KCNMA1: variants seen among roughly 807,000 people sequenced by gnomAD.
KCNMA1 encodes Calcium-activated potassium channel subunit alpha-1.
Under a neutral mutation model 140.0 loss-of-function variants are expected in KCNMA1, and 29 were observed. That is an observed-to-expected ratio of 0.21 (90% CI 0.15 to 0.28). KCNMA1 has a LOEUF of 0.28. KCNMA1 is among the 10% of genes least tolerant of loss of function. KCNMA1 has a pLI of 1.00. For synonymous variants in KCNMA1, 612 were observed against 611.9 expected (o/e 1.00, Z 0.00); for missense variants, 880 against 1,602.2 (o/e 0.55, Z 7.70).
chr10:77,473,956 G>A (rs1304049066), intron 1 of KCNMA1, among the ~76,000 whole-genome samples: 1 of 152,152 alleles, frequency 6.6e-6, no homozygotes, highest in African/African-American at 2.4e-5. Context: ...GCTGCGTTCT[G>A]AACAGGTGCG....
In KCNMA1 at chr10:76,944,765, G is replaced by A. The variant is rs969238084; in HGVS notation, c.2902+8C>T. ...GCACAGCAAAGAAGTATTACAGGCT[G>A]TCCTTACCTTGGGAATTAGCCTGCA... On this transcript the variant is annotated splice_region_variant and intron_variant, in intron 23 of 27. Coordinates refer to ENST00000286628, the MANE Select transcript of KCNMA1 (RefSeq NM_001161352.2). 10 of 1,612,960 alleles carry A rather than the reference G, an allele frequency of 6.2e-6. No individual in the cohort carries two copies. The highest frequency in any genetic ancestry group is 3.3e-4 in the Middle Eastern group (2 of 6,038).
intron 1 of KCNMA1, among the ~76,000 whole-genome samples, chr10:77,441,156 T>C (rs978581762): frequency 2.7e-4 from 41 of 151,946 alleles, no homozygotes; most frequent in African/African-American, 9.9e-4. Flanking sequence ...GCTCTCATGT[T>C]TGGAAAGGTG....
At position 77,637,530 on chromosome 10, in the gene KCNMA1, G is replaced by C. The variant is rs375403667; in HGVS notation, c.113C>G (p.Ala38Gly). The C allele has an allele frequency of 1.9e-6, 3 of 1,550,832 alleles. No individual in the cohort carries two copies. The East Asian group carries it at 7.1e-5, about 37-fold the overall frequency. Residue 38 changes from alanine to glycine, a missense_variant, in exon 1 of 28, where the codon GCG (alanine) becomes GGG (glycine). Coordinates refer to ENST00000286628, the MANE Select transcript of KCNMA1 (RefSeq NM_001161352.2). ...AGAGGAGGAGGAGGAGGAGGAGGAC[G>C]CGTCTAGGCTGAGATGGTTCGCGTG... Reference protein sequence around the residue: ...NIHANHLSLDASSSSSSSSSS... With the variant: ...NIHANHLSLDGSSSSSSSSSS...
At chr10:77,387,937 G>C (rs781502495) in intron 2 of KCNMA1, among the ~76,000 whole-genome samples, 1 of 152,262 alleles carries the variant, frequency 6.6e-6, no homozygotes, top group East Asian at 1.9e-4. Flanking sequence ...CTTTAGAGCA[G>C]AGCCATTATG....
At chr10:76,884,785 A>C, downstream of KCNMA1, 1 of 649,804 alleles carries the variant, frequency 1.5e-6, no homozygotes, top group Middle Eastern at 3.7e-4. Flanking sequence ...AGGGAAAAGG[A>C]GAGGGAAAGG....
chr10:77,449,303 A>C (rs1346438010), intron 1 of KCNMA1, among the ~76,000 whole-genome samples: 1 of 152,192 alleles, frequency 6.6e-6, no homozygotes, highest in Non-Finnish European at 1.5e-5. Flanking sequence ...GGATATCCTC[A>C]TGATAAACTA....
intron 14 of KCNMA1, among the ~76,000 whole-genome samples, chr10:77,072,376 C>T (rs1165315388): frequency 6.6e-6 from 1 of 152,194 alleles, no homozygotes; most frequent in Non-Finnish European, 1.5e-5. Context: ...CAATGCAAGG[C>T]TCTGGAAACA....
Position 77,108,317 on chromosome 10 carries a change from C to T in KCNMA1, c.1223+164G>A, listed in dbSNP as rs1439165161. ...CCTCCATGTTTGTTAAAAGTCCCGC[C>T]GAATTTATTCCGACTCAGGATGAGA... is the stretch of plus-strand genomic sequence containing the variant. On this transcript the variant is annotated intron_variant, in intron 9 of 27. Coordinates refer to ENST00000286628, the MANE Select transcript of KCNMA1 (RefSeq NM_001161352.2). This position sits in a 1 kb window ranked among gnomAD's most constrained non-coding sequence, Gnocchi z 4.6. 2.6e-6 allele frequency: 4 copies of T among 1,526,370 alleles called. No homozygotes were observed. Among genetic ancestry groups the T allele is most frequent in the Non-Finnish European group, 3.5e-6 (4 of 1,145,524 alleles). 94.6% of individuals were successfully genotyped at this position (1,526,370 alleles called of 1,614,324 possible).
At chr10:76,895,581 C>G (rs2042119115) in intron 25 of KCNMA1, among the ~76,000 whole-genome samples, 1 of 152,142 alleles carries the variant, frequency 6.6e-6, no homozygotes, top group African/African-American at 2.4e-5. Context: ...TGTATTATAT[C>G]CGTGCAATGA....
chr10:77,472,467 G>A (rs1413211472), intron 1 of KCNMA1, among the ~76,000 whole-genome samples: 2 of 149,438 alleles, frequency 1.3e-5, no homozygotes, highest in African/African-American at 2.5e-5. Flanking sequence ...CACACACAGA[G>A]AGCATACATA....
intron 3 of KCNMA1, among the ~76,000 whole-genome samples, chr10:77,228,184 C>T (rs891894050): frequency 4.6e-5 from 7 of 152,034 alleles, no homozygotes; most frequent in Admixed American, 6.6e-5. Context: ...AGGCTGGTTT[C>T]GAACTCCTGA....
chr10:77,526,042 T>C (rs1201648767), intron 1 of KCNMA1, among the ~76,000 whole-genome samples: 2 of 152,192 alleles, frequency 1.3e-5, no homozygotes, highest in Admixed American at 1.3e-4. Flanking sequence ...CCAGAAGAGA[T>C]GGTCCCTGCC....
intron 14 of KCNMA1, among the ~76,000 whole-genome samples, chr10:77,049,010 C>T (rs752935006): frequency 3.3e-5 from 5 of 152,124 alleles, no homozygotes; most frequent in South Asian, 2.1e-4. Flanking sequence ...GAGATCCACC[C>T]GCCTCGGCCT....
intron 2 of KCNMA1, among the ~76,000 whole-genome samples, chr10:77,357,195 C>A (rs1390749311): frequency 6.6e-6 from 1 of 152,172 alleles, no homozygotes; most frequent in Non-Finnish European, 1.5e-5. Context: ...TTTTCAGTTA[C>A]CCAAGCCATC....
intron 1 of KCNMA1, among the ~76,000 whole-genome samples, chr10:77,627,743 T>A (rs188615152): frequency 6.6e-6 from 1 of 152,268 alleles, no homozygotes; most frequent in East Asian, 1.9e-4. Flanking sequence ...AAACAAGGAC[T>A]AGTGCAAACA....
chr10:76,945,005 G>A, intron 22 of KCNMA1, 40 bp from the exon 23 acceptor site: 4 of 1,549,246 alleles, frequency 2.6e-6, no homozygotes, highest in Non-Finnish European at 3.6e-6. Flanking sequence ...GAGATGGGGG[G>A]AGAAAGAGAC....
intron 5 of KCNMA1, among the ~76,000 whole-genome samples, chr10:77,182,596 A>G (rs1461259478): frequency 6.6e-6 from 1 of 152,186 alleles, no homozygotes; most frequent in Admixed American, 6.5e-5. Context: ...CAATGCATGC[A>G]TATTACTTTT....
chr10:77,607,885 C>T lies in KCNMA1; in HGVS notation c.378+29380G>A, dbSNP rs554823189. Among the ~76,000 whole-genome samples, 585 of 152,278 alleles carry T rather than the reference C, an allele frequency of 3.8e-3. 7 individuals carry two copies. The highest frequency in any genetic ancestry group is 6.0e-3 in the Non-Finnish European group (411 of 68,034). On this transcript the variant is annotated intron_variant, in intron 1 of 27. Coordinates refer to ENST00000286628, the MANE Select transcript of KCNMA1 (RefSeq NM_001161352.2). ...AAACTGACACCCACACTCAGCCACT[C>T]GAGAGGTCCCTTCTCCTGCTCAACA...
chr10:76,933,463 C>G (rs1215499194), intron 23 of KCNMA1, among the ~76,000 whole-genome samples: 1 of 152,168 alleles, frequency 6.6e-6, no homozygotes, highest in East Asian at 1.9e-4. Context: ...ACATAGTGAG[C>G]CCTTTAAGTA....
Sources: gnomAD v4.1 joint callset for allele counts (sites outside exome capture counted in the v4.1 genomes callset) on GRCh38, gnomAD v4.1.1 for gene constraint, Gnocchi (gnomAD v3.1) non-coding constraint, MANE v1.5 for transcripts, NCBI Gene and HGNC (gene_info 2026-07-23, HGNC 2026-07-21) for gene names.